Variants in GRID2 observed in about 807,000 individuals in gnomAD.
GRID2 encodes the protein glutamate ionotropic receptor delta type subunit 2, also known as glutamate receptor ionotropic, delta-2.
A neutral mutation model predicts 114.8 loss-of-function variants in GRID2; 33 were observed. The ratio of observed to expected loss-of-function variants is 0.29; its 90% confidence interval spans 0.22 to 0.38. The LOEUF (loss-of-function observed/expected upper bound fraction) is 0.38, where lower values mean the gene tolerates loss of function less well. Among genes scored for constraint, GRID2 ranks in the 10% least tolerant of loss-of-function variants. GRID2 has a pLI of 1.00. For missense variants in GRID2, 1,184 were observed against 1,257.7 expected (o/e 0.94, Z 0.89); for synonymous variants, 505 against 449.9 (o/e 1.12, Z -1.55).
intron 13 of GRID2, among the ~76,000 whole-genome samples, chr4:93,595,078 C>T (rs1738932857): frequency 6.6e-6 from 1 of 151,938 alleles, no homozygotes; most frequent in South Asian, 2.1e-4. Context: ...TGGCTCCTCC[C>T]TCCACTCCCC....
At chr4:93,759,123 G>A (rs1316631746) in intron 14 of GRID2, among the ~76,000 whole-genome samples, 1 of 152,040 alleles carries the variant, frequency 6.6e-6, no homozygotes, top group Non-Finnish European at 1.5e-5. Context: ...ATGAGTGCTT[G>A]ACTTTTACTG....
intron 13 of GRID2, among the ~76,000 whole-genome samples, chr4:93,578,430 T>C (rs754179155): frequency 6.6e-6 from 1 of 152,046 alleles, no homozygotes; most frequent in Non-Finnish European, 1.5e-5. Flanking sequence ...GGAAATACTG[T>C]TTTTTGAAAA....
At chr4:92,456,561 T>A (rs1441424254) in intron 1 of GRID2, among the ~76,000 whole-genome samples, 1 of 151,968 alleles carries the variant, frequency 6.6e-6, no homozygotes, top group Non-Finnish European at 1.5e-5. Flanking sequence ...GGGGAAAAGG[T>A]CTCAATACCA....
intron 2 of GRID2, among the ~76,000 whole-genome samples, chr4:92,676,402 G>C (rs1032949505): frequency 6.6e-6 from 1 of 151,626 alleles, no homozygotes. Flanking sequence ...GGATGGTCTC[G>C]ATCTTCTGAC....
At position 92,783,022 on chromosome 4, in the gene GRID2, GTA is replaced by G. The variant is rs539591318; in HGVS notation, c.244+192738_244+192739del. The stretch of plus-strand genomic sequence containing the variant: ...TAAATATTTACTTTTATTACTCTTA[GTA>G]TTATCAATGTGTTGGTAAAATGTCC... On this transcript the variant is annotated intron_variant, in intron 2 of 15. Transcript: ENST00000282020. 1.3e-4 allele frequency among the ~76,000 whole-genome samples: 20 copies of G among 152,042 alleles called. No homozygotes were observed. In the East Asian group the frequency reaches 3.9e-3, roughly 29 times the overall value.
chr4:93,027,827 T>C (rs1560808314), intron 2 of GRID2, among the ~76,000 whole-genome samples: 1 of 152,144 alleles, frequency 6.6e-6, no homozygotes, highest in Non-Finnish European at 1.5e-5. Flanking sequence ...GTTGTTAATA[T>C]AAAAGTTATT....
intron 5 of GRID2, among the ~76,000 whole-genome samples, chr4:93,215,016 T>C (rs1315765634): frequency 6.6e-6 from 1 of 152,066 alleles, no homozygotes; most frequent in African/African-American, 2.4e-5. Context: ...TCTTTGTTTA[T>C]AAACTGAGAA....
chr4:93,340,417 A>C (rs1759532248), intron 8 of GRID2, among the ~76,000 whole-genome samples: 1 of 151,318 alleles, frequency 6.6e-6, no homozygotes, highest in Non-Finnish European at 1.5e-5. Context: ...CTGCTGTTTT[A>C]TTTCTTTTTA....
At chr4:93,067,949 A>T (rs1728454644) in intron 2 of GRID2, among the ~76,000 whole-genome samples, 1 of 151,972 alleles carries the variant, frequency 6.6e-6, no homozygotes, top group African/African-American at 2.4e-5. Flanking sequence ...TTTCACCTGT[A>T]TTTGATTAAT....
intron 2 of GRID2, among the ~76,000 whole-genome samples, chr4:92,921,881 C>T (rs116707781): frequency 0.028 from 4,281 of 152,306 alleles, 87 homozygotes; most frequent in Middle Eastern, 0.078. Flanking sequence ...AGCTGTCATA[C>T]GGGTACATTT....
At chr4:93,706,152 T>C (rs1727977590) in intron 14 of GRID2, among the ~76,000 whole-genome samples, 1 of 152,214 alleles carries the variant, frequency 6.6e-6, no homozygotes, top group African/African-American at 2.4e-5. Flanking sequence ...CAGATGACTT[T>C]AGCTATTCTA....
At chr4:92,779,176 TAGTA>T (rs1738945453) in intron 2 of GRID2, among the ~76,000 whole-genome samples, 1 of 146,102 alleles carries the variant, frequency 6.8e-6, no homozygotes, top group South Asian at 2.1e-4. Context: ...AATTTTTAAG[TAGTA>T]AGTAAATGTG....
chr4:93,406,190 A>C (rs1311635172), intron 9 of GRID2, among the ~76,000 whole-genome samples: 2 of 152,138 alleles, frequency 1.3e-5, no homozygotes, highest in African/African-American at 4.8e-5. Flanking sequence ...AAAGGCTATA[A>C]AACTGAGCCA....
At chr4:93,661,695 A>G (rs957231141) in intron 14 of GRID2, among the ~76,000 whole-genome samples, 25 of 152,180 alleles carry the variant, frequency 1.6e-4, no homozygotes, top group African/African-American at 6.0e-4. Context: ...CAATGATTGA[A>G]TATCAGTGAA....
chr4:93,554,289 A>G (rs944294151), intron 13 of GRID2, among the ~76,000 whole-genome samples: 2 of 152,092 alleles, frequency 1.3e-5, no homozygotes, highest in Non-Finnish European at 2.9e-5. Flanking sequence ...CTGGTTATAA[A>G]AGCCTTTTTT....
chr4:93,362,937 C>T (rs975775011), intron 8 of GRID2, among the ~76,000 whole-genome samples: 2 of 152,118 alleles, frequency 1.3e-5, no homozygotes, highest in Non-Finnish European at 2.9e-5. Context: ...TCCTTACCTG[C>T]AGCGGGGCAC....
intron 2 of GRID2, among the ~76,000 whole-genome samples, chr4:92,752,099 C>A (rs1198014879): frequency 6.6e-6 from 1 of 152,162 alleles, no homozygotes; most frequent in African/African-American, 2.4e-5. Flanking sequence ...AATATTCGTT[C>A]TCTGAAGGAT....
intron 2 of GRID2, among the ~76,000 whole-genome samples, chr4:92,711,450 G>C (rs184255503): frequency 7.8e-4 from 119 of 152,162 alleles, no homozygotes; most frequent in African/African-American, 2.7e-3. Flanking sequence ...AGTTTTTGTT[G>C]GTTGTCAACC....
At chr4:92,483,769 C>A (rs1403731248) in intron 1 of GRID2, among the ~76,000 whole-genome samples, 1 of 152,082 alleles carries the variant, frequency 6.6e-6, no homozygotes, top group Non-Finnish European at 1.5e-5. Context: ...CAGGCTGCTA[C>A]AGGGATAGGG....
Sources: allele counts gnomAD v4.1 joint callset (sites outside exome capture counted in the v4.1 genomes callset), GRCh38; gene constraint gnomAD v4.1.1; transcripts MANE v1.5; gene names NCBI Gene and HGNC (gene_info 2026-07-23, HGNC 2026-07-21).